TFCP2: variants seen among roughly 807,000 people sequenced by gnomAD.
The protein encoded by TFCP2 is transcription factor CP2, also known as alpha-globin transcription factor CP2.
Under a neutral mutation model 73.4 loss-of-function variants are expected in TFCP2, and 33 were observed. The ratio of observed to expected loss-of-function variants is 0.45; its 90% CI spans 0.34 to 0.60. The LOEUF is 0.60. TFCP2 is among the 20% of genes least tolerant of loss of function. The pLI is 0.01. For missense variants in TFCP2, 352 were observed against 604.0 expected (o/e 0.58, Z 4.37); for synonymous variants, 193 against 211.6 (o/e 0.91, Z 0.76).
chr12:51,101,615 C>A (rs1389316399), intron 11 of TFCP2, among the ~76,000 whole-genome samples: 1 of 152,094 alleles, frequency 6.6e-6, no homozygotes, highest in East Asian at 1.9e-4. Flanking sequence ...AAGTAAACTC[C>A]CTAACAATGG....
At chr12:51,125,824 G>C (rs948002469) in intron 1 of TFCP2, among the ~76,000 whole-genome samples, 1 of 152,126 alleles carries the variant, frequency 6.6e-6, no homozygotes, top group Non-Finnish European at 1.5e-5. Flanking sequence ...CAGGCTGGGC[G>C]TGGTGGCTCA....
chr12:51,120,403 T>TA, intron 1 of TFCP2, among the ~76,000 whole-genome samples: 1 of 152,196 alleles, frequency 6.6e-6, no homozygotes, highest in East Asian at 1.9e-4. Context: ...GTTCTGTTTA[T>TA]ATGACAGTCT....
At chr12:51,126,567 G>C (rs954312606) in intron 1 of TFCP2, among the ~76,000 whole-genome samples, 1 of 152,170 alleles carries the variant, frequency 6.6e-6, no homozygotes, top group African/African-American at 2.4e-5. Flanking sequence ...CTCTGTTCTA[G>C]AAAGAGCCTA....
intron 1 of TFCP2, among the ~76,000 whole-genome samples, chr12:51,161,942 T>C (rs1465417931): frequency 2.0e-5 from 3 of 148,852 alleles, no homozygotes; most frequent in Non-Finnish European, 3.0e-5. Context: ...GAACAATGTA[T>C]AAACAAGTAA....
chr12:51,150,919 T>C (rs928370810), intron 1 of TFCP2, among the ~76,000 whole-genome samples: 2 of 151,736 alleles, frequency 1.3e-5, no homozygotes, highest in African/African-American at 4.8e-5. Flanking sequence ...AAGCATGAAG[T>C]TGGGGAGAGA....
chr12:51,168,753 G>A (rs932761114), intron 1 of TFCP2, among the ~76,000 whole-genome samples: 16 of 151,930 alleles, frequency 1.1e-4, no homozygotes, highest in Non-Finnish European at 1.5e-4. Context: ...CAAAGTGCTG[G>A]GATTACAGGC....
In TFCP2 at chr12:51,173,098, C is replaced by T. The variant is rs1158847382; in HGVS notation, c.-676G>A. The T allele has an allele frequency of 6.6e-6, 1 of 152,592 alleles. No individual in the cohort carries two copies. Among genetic ancestry groups the T allele is most frequent in the Admixed American group, 6.5e-5 (1 of 15,284 alleles). The allele number at this position is 152,592 out of a possible 1,614,324, so 9.5% of individuals were successfully genotyped here. A position where few individuals can be genotyped will look rare whatever the true frequency, so the allele number is the denominator to read the frequency against. On this transcript the variant is annotated 5_prime_UTR_variant, in exon 1 of 15. Coordinates refer to ENST00000257915, the MANE Select transcript of TFCP2 (RefSeq NM_005653.5). Reference sequence around the variant, plus strand: ...CACCGTCCGCCGCCCCAGCGCCAACCAATCATGGCGTCCTCTTTCCTCGCC... The same window carrying T: ...CACCGTCCGCCGCCCCAGCGCCAACTAATCATGGCGTCCTCTTTCCTCGCC...
At chr12:51,165,840 C>T (rs745995844) in intron 1 of TFCP2, among the ~76,000 whole-genome samples, 5 of 152,160 alleles carry the variant, frequency 3.3e-5, no homozygotes, top group Non-Finnish European at 5.9e-5. Context: ...TTATTTAACA[C>T]TAAAACGGCA....
At chr12:51,140,423 T>G (rs1941162343) in intron 1 of TFCP2, among the ~76,000 whole-genome samples, 1 of 150,416 alleles carries the variant, frequency 6.6e-6, no homozygotes, top group Non-Finnish European at 1.5e-5. Context: ...CCTTCCTTCT[T>G]TTCTATCTTT....
chr12:51,167,384 G>A (rs2436647), intron 1 of TFCP2, among the ~76,000 whole-genome samples: 87,654 of 150,024 alleles, frequency 0.58, 26,446 homozygotes, highest in Non-Finnish European at 0.68. Flanking sequence ...GATGTAGAAC[G>A]TCAGACTGAT....
intron 13 of TFCP2, among the ~76,000 whole-genome samples, chr12:51,097,252 CTTT>C (rs1021259599): frequency 5.3e-5 from 8 of 151,422 alleles, no homozygotes; most frequent in Non-Finnish European, 8.8e-5. Flanking sequence ...GCCTGGCCTT[CTTT>C]TTTTCTTTTT....
At chr12:51,106,022 C>T (rs188408122) in intron 8 of TFCP2, among the ~76,000 whole-genome samples, 1 of 152,204 alleles carries the variant, frequency 6.6e-6, no homozygotes, top group East Asian at 1.9e-4. Context: ...TAAATAATTC[C>T]AAAACTTCAT....
Position 51,161,010 on chromosome 12 carries a change from C to T in TFCP2, c.122+11291G>A, listed in dbSNP as rs113219657. Among the ~76,000 whole-genome samples the T allele has an allele frequency of 5.9e-3, 897 of 152,252 alleles. 7 individuals are homozygous for T. The highest frequency in any genetic ancestry group is 0.02 in the African/African-American group (830 of 41,554). On this transcript the variant is annotated intron_variant, in intron 1 of 14. Transcript: ENST00000257915. ...CCACTGTTTCACACATGCACACCCC[C>T]GACTGAAGTTGCCTACCTAGTGGCA... is the stretch of plus-strand genomic sequence containing the variant.
chr12:51,108,440 C>T (rs1940311428), intron 6 of TFCP2, among the ~76,000 whole-genome samples: 1 of 152,032 alleles, frequency 6.6e-6, no homozygotes, highest in African/African-American at 2.4e-5. Flanking sequence ...ATTATTCAAT[C>T]TCTTACAATG....
Position 51,135,924 on chromosome 12 carries a change from C to G in TFCP2, c.123-17152G>C, listed in dbSNP as rs1403353864. 3.9e-5 allele frequency among the ~76,000 whole-genome samples: 6 copies of G among 152,028 alleles called. No individual in the cohort carries two copies. In the South Asian group the frequency reaches 6.2e-4, roughly 16 times the overall value. ...AGTAAATCCCTTCAAACCTTTTTTT[C>G]TTTTTTGAATTCATCAAATAGTCTT... is the stretch of plus-strand genomic sequence containing the variant. On this transcript the variant is annotated intron_variant, in intron 1 of 14. Transcript: ENST00000257915.
chr12:51,107,153 T>C (rs1345539262), intron 7 of TFCP2, 83 bp downstream of exon 7: 3 of 1,132,690 alleles, frequency 2.6e-6, no homozygotes, highest in Non-Finnish European at 3.9e-6. Context: ...TTAGGAGAAG[T>C]AAATTCTGAC....
Position 51,172,517 on chromosome 12 carries a change from A to G in TFCP2, c.-95T>C. ...AGGAGTAACGCAAACCAAGAAAACT[A>G]CAAACCAAGGTTTCCCACGCAGTGC... On this transcript the variant is annotated 5_prime_UTR_variant, in exon 1 of 15. Transcript: ENST00000257915. 1 of 1,561,968 alleles carries G rather than the reference A, an allele frequency of 6.4e-7. No individual in the cohort carries two copies. Among genetic ancestry groups the G allele is most frequent in the South Asian group, 1.2e-5 (1 of 86,330 alleles).
At chr12:51,155,949 C>T (rs1340485894) in intron 1 of TFCP2, among the ~76,000 whole-genome samples, 2 of 151,714 alleles carry the variant, frequency 1.3e-5, no homozygotes, top group African/African-American at 2.4e-5. Flanking sequence ...GGCTTTGGCA[C>T]GAGATTCATT....
intron 1 of TFCP2, among the ~76,000 whole-genome samples, chr12:51,138,995 A>T (rs776422897): frequency 1.1e-4 from 16 of 152,204 alleles, no homozygotes; most frequent in Non-Finnish European, 1.9e-4. Context: ...CAAATTCCCT[A>T]GAGATGTAAC....
Sources: gnomAD v4.1 joint callset for allele counts (sites outside exome capture counted in the v4.1 genomes callset) on GRCh38, gnomAD v4.1.1 for gene constraint, MANE v1.5 for transcripts, NCBI Gene and HGNC (gene_info 2026-07-23, HGNC 2026-07-21) for gene names.